NTM: variants seen among roughly 807,000 people sequenced by gnomAD.
NTM encodes the protein IgLON family member 2.
Under a neutral mutation model 42.1 loss-of-function variants are expected in NTM, and 13 were observed. The ratio of observed to expected loss-of-function variants is 0.31; its 90% CI spans 0.20 to 0.49. The LOEUF is 0.49. Ranked by LOEUF, NTM falls within the 20% of genes least tolerant of loss-of-function variation. The probability of loss-of-function intolerance (pLI) is 0.99; values close to 1 mark genes in which losing one functional copy is unlikely to be tolerated. For missense variants in NTM, 373 were observed against 452.8 expected, an observed-to-expected ratio of 0.82 and a Z score of 1.60; for synonymous variants, 187 against 179.2, an observed-to-expected ratio of 1.04 and a Z score of -0.35.
chr11:131,640,696 C>T (rs2065026370), intron 1 of NTM, among the ~76,000 whole-genome samples: 1 of 152,152 alleles, frequency 6.6e-6, no homozygotes, highest in African/African-American at 2.4e-5. Context: ...ATGGGAATTA[C>T]CCATGAAGGG....
At chr11:131,535,808 G>A (rs1408041189) in intron 1 of NTM, 1 of 152,168 alleles carries the variant, frequency 6.6e-6, no homozygotes, top group East Asian at 1.9e-4. Context: ...CCACCGCTTG[G>A]GATAATGACT....
chr11:132,255,053 C>T (rs2092363346), intron 4 of NTM, among the ~76,000 whole-genome samples: 1 of 152,240 alleles, frequency 6.6e-6, no homozygotes, highest in Non-Finnish European at 1.5e-5. Flanking sequence ...TGCAGCCTTG[C>T]TTCTAGAACC....
At chr11:131,820,828 G>A (rs535575232) in intron 1 of NTM, among the ~76,000 whole-genome samples, 3 of 152,258 alleles carry the variant, frequency 2.0e-5, no homozygotes, top group African/African-American at 7.2e-5. Context: ...GTTGTACTTA[G>A]CAATCCATTT....
At chr11:131,520,252 C>G (rs912428905) in intron 1 of NTM, among the ~76,000 whole-genome samples, 3 of 152,058 alleles carry the variant, frequency 2.0e-5, no homozygotes, top group African/African-American at 7.2e-5. Flanking sequence ...GTTCTAGGTG[C>G]TTTATAAAGA....
chr11:131,903,329 T>G (rs568609291), intron 1 of NTM, among the ~76,000 whole-genome samples: 32 of 152,352 alleles, frequency 2.1e-4, no homozygotes, highest in African/African-American at 7.5e-4. Flanking sequence ...TAGGGGAAGA[T>G]TCCCAAATGG....
intron 1 of NTM, among the ~76,000 whole-genome samples, chr11:131,531,592 G>A (rs150760321): frequency 3.3e-4 from 50 of 152,316 alleles, no homozygotes; most frequent in African/African-American, 1.2e-3. Context: ...TCTCTGAGCT[G>A]TTAAGACTGC....
chr11:131,742,270 A>C (rs1301386282), intron 1 of NTM, among the ~76,000 whole-genome samples: 1 of 152,234 alleles, frequency 6.6e-6, no homozygotes, highest in Non-Finnish European at 1.5e-5. Context: ...AAAATGTGTA[A>C]ATTCTGGGCA....
intron 4 of NTM, among the ~76,000 whole-genome samples, chr11:132,300,454 A>G (rs985773097): frequency 2.6e-5 from 4 of 152,186 alleles, no homozygotes; most frequent in African/African-American, 7.2e-5. Context: ...GCTCGAGTGC[A>G]GAAATACTAG....
intron 1 of NTM, among the ~76,000 whole-genome samples, chr11:131,374,078 A>G (rs1941614437): frequency 6.6e-6 from 1 of 152,180 alleles, no homozygotes; most frequent in Non-Finnish European, 1.5e-5. Flanking sequence ...CTACTGGCAA[A>G]GTGGAAACAT....
At chr11:131,908,812 T>C (rs1325482872) in intron 1 of NTM, among the ~76,000 whole-genome samples, 1 of 152,224 alleles carries the variant, frequency 6.6e-6, no homozygotes, top group Non-Finnish European at 1.5e-5. Flanking sequence ...GGAGACACAA[T>C]AGAATCTTCC....
chr11:131,496,841 C>A (rs318969), intron 1 of NTM, among the ~76,000 whole-genome samples: 1 of 151,984 alleles, frequency 6.6e-6, no homozygotes, highest in African/African-American at 2.4e-5. Context: ...ATGGATAATA[C>A]GAAAAATGAC....
intron 2 of NTM, among the ~76,000 whole-genome samples, chr11:131,965,423 G>C (rs1259918273): frequency 6.6e-6 from 1 of 152,116 alleles, no homozygotes; most frequent in African/African-American, 2.4e-5. Flanking sequence ...GGGCATTGGA[G>C]GCACATAAAA....
chr11:131,589,410 C>A (rs569343280), intron 1 of NTM, among the ~76,000 whole-genome samples: 1 of 152,216 alleles, frequency 6.6e-6, no homozygotes, highest in Non-Finnish European at 1.5e-5. Context: ...CACTGCCATC[C>A]CCCTCAATTA....
intron 4 of NTM, among the ~76,000 whole-genome samples, chr11:132,226,848 A>G (rs966975266): frequency 1.3e-5 from 2 of 152,256 alleles, no homozygotes; most frequent in South Asian, 2.1e-4. Flanking sequence ...GAAAGAGCTC[A>G]GTATTAAGAC....
chr11:132,082,445 G>C (rs1179340082), intron 2 of NTM, among the ~76,000 whole-genome samples: 1 of 152,118 alleles, frequency 6.6e-6, no homozygotes. Context: ...TATGCATGCA[G>C]GTCCTTAGTC....
chr11:132,335,856 C>T lies in NTM; in HGVS notation c.*710C>T, dbSNP rs1034895587. 5 of 151,684 alleles carry T rather than the reference C, an allele frequency of 3.3e-5. No homozygotes were observed. The highest frequency in any genetic ancestry group is 4.9e-5 in the African/African-American group (2 of 41,106). The allele number at this position is 151,684 out of a possible 1,614,324, so 9.4% of individuals were successfully genotyped here. ...AACTTACTGCAAAAACAAGACAAAA[C>T]TAAAAAAATACAACTGAGAAGGGTG... is the stretch of plus-strand genomic sequence containing the variant. On this transcript the variant is annotated 3_prime_UTR_variant, in exon 9 of 9. Transcript: ENST00000683400.
intron 2 of NTM, among the ~76,000 whole-genome samples, chr11:131,934,924 A>G (rs538625360): frequency 3.3e-5 from 5 of 152,160 alleles, no homozygotes; most frequent in East Asian, 1.9e-4. Flanking sequence ...AGTGTTTCCA[A>G]TGGAGCAGTG....
intron 1 of NTM, among the ~76,000 whole-genome samples, chr11:131,412,122 C>A (rs1210535262): frequency 6.6e-6 from 1 of 152,108 alleles, no homozygotes; most frequent in Non-Finnish European, 1.5e-5. Context: ...ACCCTAAGAG[C>A]TATACATTTT....
intron 1 of NTM, among the ~76,000 whole-genome samples, chr11:131,650,579 T>C (rs984945250): frequency 1.2e-4 from 19 of 152,322 alleles, no homozygotes; most frequent in Middle Eastern, 3.4e-3. Context: ...TTTGTGAAGA[T>C]AAAATGAGAT....
Sources: gnomAD v4.1 joint callset for allele counts (sites outside exome capture counted in the v4.1 genomes callset) on GRCh38, gnomAD v4.1.1 for gene constraint, MANE v1.5 for transcripts, NCBI Gene and HGNC (gene_info 2026-07-23, HGNC 2026-07-21) for gene names.